APC: variants seen among roughly 807,000 people sequenced by gnomAD.
APC encodes the protein adenomatous polyposis coli protein.
A neutral mutation model predicts 247.0 loss-of-function variants in APC; 72 were observed. The ratio of observed to expected loss-of-function variants is 0.29; its 90% CI spans 0.24 to 0.35. APC has a LOEUF of 0.35. Ranked by LOEUF, APC falls within the 10% of genes least tolerant of loss-of-function variation. APC has a pLI of 1.00. For missense variants in APC, 3,400 were observed against 3,360.7 expected, an observed-to-expected ratio of 1.01 and a Z score of -0.29; for synonymous variants, 1,254 against 1,162.5, an observed-to-expected ratio of 1.08 and a Z score of -1.60.
At chr5:112,758,288 TC>T (rs1755214732) in intron 2 of APC, among the ~76,000 whole-genome samples, 1 of 151,594 alleles carries the variant, frequency 6.6e-6, no homozygotes, top group Non-Finnish European at 1.5e-5. Context: ...GCTAGAGCCC[TC>T]CCCCCAACTT....
rs193049694 is a variant in APC, at chr5:112,767,330, G to T, written c.362G>T (p.Arg121Ile). 2.1e-5 allele frequency: 34 copies of T among 1,614,196 alleles called. No homozygotes were observed. Among genetic ancestry groups the T allele is most frequent in the Non-Finnish European group, 2.8e-5 (33 of 1,180,022 alleles). ...GTTCCTATGGGTTCATTTCCAAGAA[G>T]AGGGTTTGTAAATGGAAGCAGAGAA... The part of the protein sequence containing the change: ...SPVPMGSFPR[R>I]GFVNGSREST... The change falls in exon 4 of 16, where the codon AGA (arginine) becomes ATA (isoleucine). Residue 121 changes from arginine to isoleucine, a missense_variant. Arg to Ile is a moderately conservative substitution (Grantham distance 97). Around this residue, in one of 9 missense-constraint regions of APC, gnomAD observed 372 missense variants for 367.6 expected, o/e 1.01. Coordinates refer to ENST00000257430, the MANE Select transcript of APC (RefSeq NM_000038.6).
At chr5:112,821,504 G>GTT (rs149267955) in intron 10 of APC, among the ~76,000 whole-genome samples, 12 of 145,500 alleles carry the variant, frequency 8.2e-5, no homozygotes, top group African/African-American at 3.0e-4. Flanking sequence ...ACCCTGTTTT[G>GTT]TTTTTTTTTT....
chr5:112,801,759 G>GT (rs1434531421), intron 8 of APC, among the ~76,000 whole-genome samples: 5 of 151,014 alleles, frequency 3.3e-5, no homozygotes, highest in South Asian at 4.2e-4. Flanking sequence ...CATTTTTATG[G>GT]TTTTTTTTAA....
chr5:112,755,552 CT>C (rs999948184), intron 2 of APC, among the ~76,000 whole-genome samples: 1 of 152,162 alleles, frequency 6.6e-6, no homozygotes, highest in Non-Finnish European at 1.5e-5. Flanking sequence ...TTCTTCAGAA[CT>C]TAAGTTGTCT....
intron 1 of APC, among the ~76,000 whole-genome samples, chr5:112,709,361 TAAAAG>T (rs1750716533): frequency 1.3e-5 from 2 of 152,210 alleles, no homozygotes; most frequent in Non-Finnish European, 2.9e-5. Context: ...TTGTTCAGCT[TAAAAG>T]AAGGAGGAAT....
At chr5:112,725,631 C>T (rs1172994308) in intron 1 of APC, among the ~76,000 whole-genome samples, 1 of 151,748 alleles carries the variant, frequency 6.6e-6, no homozygotes, top group Non-Finnish European at 1.5e-5. Context: ...CTCAGTAGTG[C>T]AGGCCTGTAG....
At chr5:112,754,305 T>C (rs1285074517) in intron 1 of APC, among the ~76,000 whole-genome samples, 1 of 152,236 alleles carries the variant, frequency 6.6e-6, no homozygotes, top group Non-Finnish European at 1.5e-5. Context: ...AATGCTCTCC[T>C]TCATGTCCAT....
rs776269936 is a variant in APC, at chr5:112,844,156, C to A, written c.*30C>A. ...GAGGAAGAATGAAACTAAGAAAATT[C>A]TATGTTAATTACAACTGCTATATAG... On this transcript the variant is annotated 3_prime_UTR_variant, in exon 16 of 16. Coordinates refer to ENST00000257430, the MANE Select transcript of APC (RefSeq NM_000038.6). 1 of 1,574,704 alleles carries A rather than the reference C, an allele frequency of 6.4e-7. No homozygotes were observed.
Position 112,767,192 on chromosome 5 carries a change from T to G in APC, c.224T>G (p.Leu75Arg), listed in dbSNP as rs995081817. The G allele has an allele frequency of 3.1e-6, 5 of 1,613,080 alleles. No homozygotes were observed. Among genetic ancestry groups the G allele is most frequent in the Non-Finnish European group, 4.2e-6 (5 of 1,179,116 alleles). ...AACTTGTTTCTATTTTATTTAGAGC[T>G]TAACTTAGATAGCAGTAATTTCCCT... is the stretch of plus-strand genomic sequence containing the variant. ...QIDLLERLKE[L>R]NLDSSNFPGV... Residue 75 changes from leucine to arginine, a missense_variant, in exon 4 of 16, where the codon CTT (leucine) becomes CGT (arginine). Around this residue, in one of 9 missense-constraint regions of APC, gnomAD observed 372 missense variants for 367.6 expected, o/e 1.01. Transcript: ENST00000257430.
rs7732760 is a variant in APC, at chr5:112,774,371, A to G, written c.423-1258A>G. On this transcript the variant is annotated intron_variant, in intron 4 of 15. Coordinates refer to ENST00000257430, the MANE Select transcript of APC (RefSeq NM_000038.6). Reference sequence around the variant, plus strand: ...TTGAGATGCCCAACTGGTAAGTATAATAGAAATATTCCAAAATCCAAAAAC... The same window carrying G: ...TTGAGATGCCCAACTGGTAAGTATAGTAGAAATATTCCAAAATCCAAAAAC... Among the ~76,000 whole-genome samples the G allele has an allele frequency of 8.8e-3, 1,347 of 152,272 alleles. 26 individuals carry two copies. The highest frequency in any genetic ancestry group is 0.031 in the African/African-American group (1,278 of 41,552).
At chr5:112,768,696 T>C (rs751263332) in intron 4 of APC, among the ~76,000 whole-genome samples, 2 of 152,138 alleles carry the variant, frequency 1.3e-5, no homozygotes, top group Non-Finnish European at 2.9e-5. Context: ...TATGTAATAT[T>C]GTTAACTGTG....
At position 112,760,320 on chromosome 5, in the gene APC, G is replaced by A. The variant is rs190142809; in HGVS notation, c.135+5295G>A. 1.5e-3 allele frequency among the ~76,000 whole-genome samples: 225 copies of A among 152,272 alleles called. 1 individual carries two copies. The highest frequency in any genetic ancestry group is 4.1e-3 in the Admixed American group (63 of 15,302). On this transcript the variant is annotated intron_variant, in intron 2 of 15. Coordinates refer to ENST00000257430, the MANE Select transcript of APC (RefSeq NM_000038.6). ...TCATTTTTACCATGAGATATTGGCC[G>A]AGTCTTGTAGTGCAGGAGACTTGGG...
chr5:112,721,685 C>T (rs1280153445), intron 1 of APC, among the ~76,000 whole-genome samples: 1 of 152,064 alleles, frequency 6.6e-6, no homozygotes, highest in African/African-American at 2.4e-5. Flanking sequence ...GGTATCATGT[C>T]AGAAGATCTT....
chr5:112,804,136 C>T (rs1761121351), intron 8 of APC, among the ~76,000 whole-genome samples: 1 of 152,160 alleles, frequency 6.6e-6, no homozygotes, highest in Admixed American at 6.6e-5. Context: ...CCTTCCCCAC[C>T]GTTTAAATGT....
At chr5:112,768,115 C>T (rs1453383145) in intron 4 of APC, among the ~76,000 whole-genome samples, 2 of 150,296 alleles carry the variant, frequency 1.3e-5, no homozygotes, top group Non-Finnish European at 3.0e-5. Flanking sequence ...ACAATCTCGG[C>T]TCACTGCAAC....
At chr5:112,801,543 T>C (rs554318073) in intron 8 of APC, among the ~76,000 whole-genome samples, 160 bp downstream of exon 8, 1 of 152,330 alleles carries the variant, frequency 6.6e-6, no homozygotes, top group South Asian at 2.1e-4. Context: ...CATTTCTCTT[T>C]ATTATATCAG....
At chr5:112,823,649 TTATTAG>T (rs1763358818) in intron 11 of APC, among the ~76,000 whole-genome samples, 2 of 152,212 alleles carry the variant, frequency 1.3e-5, no homozygotes, top group Non-Finnish European at 2.9e-5. Flanking sequence ...AAGTTTGCAC[TTATTAG>T]TATTAGAAGT....
At chr5:112,756,212 A>G (rs751639671) in intron 2 of APC, among the ~76,000 whole-genome samples, 14 of 152,136 alleles carry the variant, frequency 9.2e-5, no homozygotes, top group Non-Finnish European at 1.9e-4. Context: ...TCACAGCTCA[A>G]CCTTTGCTCA....
At chr5:112,734,562 A>C (rs1407949301), upstream of APC, among the ~76,000 whole-genome samples, 1 of 152,224 alleles carries the variant, frequency 6.6e-6, no homozygotes, top group East Asian at 1.9e-4. Flanking sequence ...ATCTGTAGGC[A>C]TAACTCTATT....
Sources: gnomAD v4.1 joint callset for allele counts (sites outside exome capture counted in the v4.1 genomes callset) on GRCh38, gnomAD v4.1.1 for gene constraint, gnomAD v4.1.1 regional missense constraint, MANE v1.5 for transcripts, NCBI Gene and HGNC (gene_info 2026-07-23, HGNC 2026-07-21) for gene names.